The following DENND2B variants were observed in gnomAD, a reference collection of about 807,000 sequenced individuals.
DENND2B encodes DENN domain-containing protein 2B.
A neutral mutation model predicts 116.0 loss-of-function variants in DENND2B; 32 were observed. That is an observed-to-expected ratio of 0.28 (90% CI 0.21 to 0.37). The LOEUF is 0.37. Among genes scored for constraint, DENND2B ranks in the 10% least tolerant of loss-of-function variants. DENND2B has a pLI of 1.00. For synonymous variants in DENND2B, 588 were observed against 583.9 expected, an observed-to-expected ratio of 1.01 and a Z score of -0.10; for missense variants, 1,276 against 1,477.7, an observed-to-expected ratio of 0.86 and a Z score of 2.24.
chr11:8,811,052 TC>T, upstream of DENND2B: 1 of 375,828 alleles, frequency 2.7e-6, no homozygotes. Context: ...CTTGGAAGAA[TC>T]CCTGCCAGGG....
chr11:8,901,229 C>CTTTTCTTTTTTTTTTTTTTTT (rs781408078), intron 1 of DENND2B, among the ~76,000 whole-genome samples: 1 of 83,918 alleles, frequency 1.2e-5, no homozygotes, highest in Non-Finnish European at 2.2e-5. Context: ...CTTTTCTTTT[C>CTTTTCTTTTTTTTTTTTTTTT]TTTTTTTTTT....
In DENND2B at chr11:8,693,426, C is replaced by T. The variant is rs555545425; in HGVS notation, c.*670G>A. The T allele has an allele frequency of 2.0e-5, 3 of 152,834 alleles. No homozygotes were observed. Among genetic ancestry groups the T allele is most frequent in the East Asian group, 3.9e-4 (2 of 5,178 alleles). The allele number at this position is 152,834 out of a possible 1,614,324, so 9.5% of individuals were successfully genotyped here. A position where few individuals can be genotyped will look rare whatever the true frequency, so the allele number is the denominator to read the frequency against. Reference sequence around the variant, plus strand: ...GAAGGAGGGATGCCCTGTACCGCATCGTGGCCACCACTGACTGGGAGCCAG... The same window carrying T: ...GAAGGAGGGATGCCCTGTACCGCATTGTGGCCACCACTGACTGGGAGCCAG... On this transcript the variant is annotated 3_prime_UTR_variant, in exon 20 of 20. Coordinates refer to ENST00000313726, the MANE Select transcript of DENND2B (RefSeq NM_213618.2).
intron 3 of DENND2B, among the ~76,000 whole-genome samples, chr11:8,846,482 T>G (rs2062818760): frequency 6.6e-6 from 1 of 152,148 alleles, no homozygotes; most frequent in Non-Finnish European, 1.5e-5. Context: ...AGGCTCATGG[T>G]CATCACAATG....
At chr11:8,870,661 C>T (rs1166275689) in intron 2 of DENND2B, among the ~76,000 whole-genome samples, 1 of 152,036 alleles carries the variant, frequency 6.6e-6, no homozygotes, top group Non-Finnish European at 1.5e-5. Flanking sequence ...CGGGTCTCCG[C>T]TCGGCACCAG....
rs1473313243 is a variant in DENND2B, at chr11:8,699,247, G to A, written c.2864C>T (p.Ser955Phe). ...TPFLVGLLSS[S>F]LPKLKELPVE... The stretch of plus-strand genomic sequence containing the variant: ...AGGCAGCTCCTTCAGTTTGGGGAGG[G>A]AGCTGGAGAGCAGGCCAACCAGGAA... The change falls in exon 15 of 20, where the codon TCC becomes TTC. Residue 955 changes from serine (S) to phenylalanine (F), a missense_variant. Ser to Phe is a radical substitution (Grantham distance 155). Coordinates refer to ENST00000313726, the MANE Select transcript of DENND2B (RefSeq NM_213618.2). 1.2e-5 allele frequency: 19 copies of A among 1,588,390 alleles called. No individual in the cohort carries two copies. Among genetic ancestry groups the A allele is most frequent in the Non-Finnish European group, 1.5e-5 (18 of 1,172,354 alleles).
chr11:8,755,699 G>C (rs1417374350), intron 1 of DENND2B, among the ~76,000 whole-genome samples: 1 of 152,098 alleles, frequency 6.6e-6, no homozygotes, highest in Admixed American at 6.5e-5. Flanking sequence ...TGTTGCCCAG[G>C]CTGGTCTCGA....
rs1266743394 is a variant in DENND2B, at chr11:8,729,886, G to A, written c.1340+64C>T. On this transcript the variant is annotated intron_variant, in intron 3 of 19. Coordinates refer to ENST00000313726, the MANE Select transcript of DENND2B (RefSeq NM_213618.2). ...GCGACCCATCCTACAATCTGTGTTT[G>A]CACTGTCCATTTAAAAGAAAGCCAC... 2.5e-6 allele frequency: 4 copies of A among 1,576,458 alleles called. No homozygotes were observed. In the African/African-American group the frequency reaches 5.4e-5, roughly 21 times the overall value.
intron 4 of DENND2B, among the ~76,000 whole-genome samples, chr11:8,831,093 G>T (rs917609248): frequency 1.3e-5 from 2 of 152,202 alleles, no homozygotes; most frequent in African/African-American, 4.8e-5. Flanking sequence ...ATTGGCAGCT[G>T]CAAAGAAGGA....
intron 3 of DENND2B, among the ~76,000 whole-genome samples, chr11:8,855,426 T>C (rs575123572): frequency 6.6e-6 from 1 of 151,116 alleles, no homozygotes; most frequent in South Asian, 2.1e-4. Flanking sequence ...TGATGGATCA[T>C]GATGGATCAT....
chr11:8,833,842 A>G (rs928529093), intron 4 of DENND2B, among the ~76,000 whole-genome samples: 1 of 152,124 alleles, frequency 6.6e-6, no homozygotes, highest in African/African-American at 2.4e-5. Flanking sequence ...CCTTACCTCA[A>G]AATTGCATAA....
At chr11:8,847,958 A>T (rs2062869691) in intron 3 of DENND2B, among the ~76,000 whole-genome samples, 1 of 152,220 alleles carries the variant, frequency 6.6e-6, no homozygotes, top group African/African-American at 2.4e-5. Flanking sequence ...ATAGAAAAAA[A>T]TGCTATCTAA....
chr11:8,877,090 C>T (rs540205454), intron 2 of DENND2B, among the ~76,000 whole-genome samples: 4 of 135,300 alleles, frequency 3.0e-5, no homozygotes, highest in South Asian at 2.4e-4. Flanking sequence ...CTCTCATGGG[C>T]TTGAAGATAC....
At chr11:8,877,037 G>T (rs1180635450) in intron 2 of DENND2B, among the ~76,000 whole-genome samples, 1 of 151,638 alleles carries the variant, frequency 6.6e-6, no homozygotes, top group East Asian at 1.9e-4. Flanking sequence ...CAACCTGGAT[G>T]GTCCCCTCAC....
chr11:8,907,716 G>A (rs2064256100), intron 1 of DENND2B, among the ~76,000 whole-genome samples: 1 of 151,656 alleles, frequency 6.6e-6, no homozygotes, highest in Non-Finnish European at 1.5e-5. Flanking sequence ...TTTTTCTTAA[G>A]ATAGGTTCTT....
chr11:8,719,554 G>A (rs1033546346), intron 4 of DENND2B, among the ~76,000 whole-genome samples: 20 of 152,140 alleles, frequency 1.3e-4, no homozygotes, highest in African/African-American at 4.6e-4. Context: ...TGACTAAGCG[G>A]AGCTGGCCCA....
intron 1 of DENND2B, among the ~76,000 whole-genome samples, chr11:8,803,123 A>T (rs1002054432): frequency 6.6e-6 from 1 of 152,188 alleles, no homozygotes. Flanking sequence ...GGTGGCTCAC[A>T]TCTGTACTCC....
intron 2 of DENND2B, among the ~76,000 whole-genome samples, chr11:8,863,608 G>A (rs2568060): frequency 0.93 from 141,266 of 152,028 alleles, 66,507 homozygotes; most frequent in East Asian, 1. Flanking sequence ...ACCTGTCAAT[G>A]TACAAATGGG....
intron 16 of DENND2B, among the ~76,000 whole-genome samples, chr11:8,698,311 G>GT (rs1358089775): frequency 1.3e-5 from 2 of 152,150 alleles, no homozygotes; most frequent in Non-Finnish European, 2.9e-5. Context: ...GCCAGCCTGT[G>GT]TCTCAGGAAT....
chr11:8,841,241 A>G (rs546324057), intron 3 of DENND2B, among the ~76,000 whole-genome samples: 8 of 152,312 alleles, frequency 5.3e-5, no homozygotes, highest in African/African-American at 1.9e-4. Flanking sequence ...TGTGAAGATG[A>G]TAATAGATTT....
Sources: gnomAD v4.1 joint callset for allele counts (sites outside exome capture counted in the v4.1 genomes callset) on GRCh38, gnomAD v4.1.1 for gene constraint, MANE v1.5 for transcripts, NCBI Gene and HGNC (gene_info 2026-07-23, HGNC 2026-07-21) for gene names.